BRI3BP: variants seen among roughly 807,000 people sequenced by gnomAD.
The protein encoded by BRI3BP is BRI3 binding protein.
A neutral mutation model predicts 15.8 loss-of-function variants in BRI3BP; 7 were observed. The observed-to-expected ratio is 0.44, with a 90% CI of 0.25 to 0.83. BRI3BP has a LOEUF of 0.83. Among genes scored for constraint, BRI3BP ranks in the 40% least tolerant of loss-of-function variants. The probability of loss-of-function intolerance (pLI) is 0.20; values close to 1 mark genes in which losing one functional copy is unlikely to be tolerated. For synonymous variants in BRI3BP, 192 were observed against 163.5 expected (o/e 1.17, Z -1.33); for missense variants, 320 against 339.3 (o/e 0.94, Z 0.45).
intron 1 of BRI3BP, among the ~76,000 whole-genome samples, chr12:124,995,543 A>G (rs1955033691): frequency 6.6e-6 from 1 of 152,246 alleles, no homozygotes. Flanking sequence ...CTTAAATAAG[A>G]CAATCTGTAT....
chr12:125,009,530 T>A (rs1015138896), intron 1 of BRI3BP, among the ~76,000 whole-genome samples: 1 of 152,104 alleles, frequency 6.6e-6, no homozygotes. Flanking sequence ...CCTCAGGTGA[T>A]CTACTCGCCT....
chr12:125,038,695 G>A, the BRI3BP span, among the ~76,000 whole-genome samples: 4 of 152,232 alleles, frequency 2.6e-5, no homozygotes, highest in Non-Finnish European at 4.4e-5. Flanking sequence ...AACCTGGGAG[G>A]CGGAGGTTGC....
At chr12:125,006,036 T>G (rs1330991826) in intron 1 of BRI3BP, among the ~76,000 whole-genome samples, 1 of 152,000 alleles carries the variant, frequency 6.6e-6, no homozygotes, top group East Asian at 1.9e-4. Flanking sequence ...TGTCTTCGAG[T>G]GGTCTTTCCT....
downstream of BRI3BP, among the ~76,000 whole-genome samples, chr12:125,036,035 G>T (rs932104624): frequency 1.3e-5 from 2 of 148,460 alleles, no homozygotes; most frequent in Non-Finnish European, 3.0e-5. Flanking sequence ...TTAACAAAAT[G>T]AGTAATCTAT....
chr12:125,033,539 C>T (rs909925744), downstream of BRI3BP, among the ~76,000 whole-genome samples: 2 of 152,064 alleles, frequency 1.3e-5, no homozygotes, highest in African/African-American at 2.4e-5. Flanking sequence ...TGCGCATTCC[C>T]CTTTAAATAT....
At chr12:125,038,255 C>CAAA in the BRI3BP span, among the ~76,000 whole-genome samples, 23 of 116,616 alleles carry the variant, frequency 2.0e-4, no homozygotes, top group African/African-American at 6.9e-4. Flanking sequence ...CCAGCCATCT[C>CAAA]AAAAAAAAAA....
chr12:125,019,953 C>CTTTTTTTTT (rs71092263), intron 2 of BRI3BP, among the ~76,000 whole-genome samples: 1 of 75,068 alleles, frequency 1.3e-5, no homozygotes, highest in African/African-American at 6.4e-5. Context: ...CAACAACAGA[C>CTTTTTTTTT]TTTTTTTTTT....
In BRI3BP at chr12:125,025,268, C is replaced by T. The variant is rs1265450855; in HGVS notation, c.594C>T (p.Thr198=). The T allele has an allele frequency of 5.0e-6, 8 of 1,613,980 alleles. No homozygotes were observed. The highest frequency in any genetic ancestry group is 1.1e-5 in the South Asian group (1 of 91,090). ...LCFVVAVYFM[T]GPMGFYWRSS... ...TCGTGGTGGCCGTCTACTTCATGAC[C>T]GGGCCCATGGGCTTCTACTGGCGAA... Residue 198 remains threonine, a synonymous_variant, in exon 3 of 3, where the codon ACC becomes ACT. Coordinates refer to ENST00000341446, the MANE Select transcript of BRI3BP (RefSeq NM_080626.6).
chr12:124,997,212 C>CTATTTTTTTTTTTTTTTTTTTTT, intron 1 of BRI3BP, among the ~76,000 whole-genome samples: 1 of 33,898 alleles, frequency 3.0e-5, no homozygotes, highest in Non-Finnish European at 4.8e-5. Context: ...TGCTTTACTT[C>CTATTTTTTTTTTTTTTTTTTTTT]TCTTTTTTTT....
intron 2 of BRI3BP, among the ~76,000 whole-genome samples, chr12:125,024,329 G>T (rs1955328644): frequency 6.7e-6 from 1 of 148,276 alleles, no homozygotes; most frequent in Admixed American, 7.0e-5. Flanking sequence ...CCCCCACGAG[G>T]TTCCTTCCTC....
At chr12:124,997,123 A>G (rs1237304680) in intron 1 of BRI3BP, among the ~76,000 whole-genome samples, 1 of 150,848 alleles carries the variant, frequency 6.6e-6, no homozygotes, top group Admixed American at 6.7e-5. Context: ...GAGCATGGGA[A>G]CAGACATGAG....
At chr12:125,034,826 A>G (rs982591593), downstream of BRI3BP, among the ~76,000 whole-genome samples, 13 of 151,928 alleles carry the variant, frequency 8.6e-5, no homozygotes, top group Admixed American at 2.6e-4. Context: ...CTGACCTTGT[A>G]TTCTGCCCAC....
the BRI3BP span, among the ~76,000 whole-genome samples, chr12:125,049,051 C>T: frequency 3.3e-5 from 5 of 152,220 alleles, no homozygotes; most frequent in South Asian, 1.0e-3. Flanking sequence ...ATCCACCTCC[C>T]GGGTTCAAGC....
chr12:125,014,483 G>A (rs1955224394), intron 2 of BRI3BP, among the ~76,000 whole-genome samples: 1 of 152,194 alleles, frequency 6.6e-6, no homozygotes, highest in South Asian at 2.1e-4. Context: ...GGGAAAAGGT[G>A]CGCGAATTCC....
chr12:125,007,128 G>T (rs1461750793), intron 1 of BRI3BP, among the ~76,000 whole-genome samples: 1 of 152,144 alleles, frequency 6.6e-6, no homozygotes, highest in Non-Finnish European at 1.5e-5. Context: ...GAATCCACAA[G>T]GCAGAGGTTG....
chr12:125,025,334 G>A lies in BRI3BP; in HGVS notation c.660G>A (p.Val220=), dbSNP rs1295609295. Residue 220 remains valine (V), a synonymous_variant, in exon 3 of 3, where the codon GTG becomes GTA. Coordinates refer to ENST00000341446, the MANE Select transcript of BRI3BP (RefSeq NM_080626.6). ...CCAGCAACCCCAGCAACCCCAGCGT[G>A]GAGGAGAAGCTGGAGCACCTGGAGA... ...SGPSNPSNPS[V]EEKLEHLEKQ... The A allele has an allele frequency of 6.3e-7, 1 of 1,597,072 alleles. No individual in the cohort carries two copies. The highest frequency in any genetic ancestry group is 1.7e-5 in the Admixed American group (1 of 58,546).
chr12:125,014,975 C>T (rs928191426), intron 2 of BRI3BP, among the ~76,000 whole-genome samples: 27 of 152,198 alleles, frequency 1.8e-4, no homozygotes, highest in Non-Finnish European at 7.3e-5. Context: ...CCATGTTGCC[C>T]AGGCTGGTCT....
chr12:124,996,310 T>C (rs182263944), intron 1 of BRI3BP, among the ~76,000 whole-genome samples: 1 of 152,212 alleles, frequency 6.6e-6, no homozygotes, highest in Admixed American at 6.5e-5. Flanking sequence ...ATTTAATTAA[T>C]TAATTTATTT....
downstream of BRI3BP, among the ~76,000 whole-genome samples, chr12:125,031,690 G>A (rs192534997): frequency 3.0e-4 from 42 of 142,240 alleles, no homozygotes; most frequent in African/African-American, 1.1e-3. Flanking sequence ...GAGCATGTCC[G>A]GCCAATTTTT....
Sources: gnomAD v4.1 joint callset for allele counts (sites outside exome capture counted in the v4.1 genomes callset) on GRCh38, gnomAD v4.1.1 for gene constraint, MANE v1.5 for transcripts, NCBI Gene and HGNC (gene_info 2026-07-23, HGNC 2026-07-21) for gene names.